IQCH: variants seen among roughly 807,000 people sequenced by gnomAD.
IQCH encodes the protein IQ motif containing H, also known as IQ domain-containing protein H.
In IQCH, 98 loss-of-function variants were observed where a neutral mutation model predicts 117.0. The ratio of observed to expected loss-of-function variants is 0.84; its 90% CI spans 0.71 to 0.99. The LOEUF (loss-of-function observed/expected upper bound fraction) is 0.99. Among genes scored for constraint, IQCH ranks in the 50% least tolerant of loss-of-function variants. IQCH has a pLI of 0.00. For missense variants in IQCH, 1,102 were observed against 1,243.8 expected (o/e 0.89, Z 1.72); for synonymous variants, 412 against 448.2 (o/e 0.92, Z 1.02).
chr15:67,433,312 GA>G lies in IQCH; in HGVS notation c.2505+11739del, dbSNP rs1324993275. 6.6e-6 allele frequency among the ~76,000 whole-genome samples: 1 copy of G among 152,172 alleles called. No homozygotes were observed. The highest frequency in any genetic ancestry group is 1.5e-5 in the Non-Finnish European group (1 of 68,034). On this transcript the variant is annotated intron_variant, in intron 16 of 20. Transcript: ENST00000335894. The surrounding 1 kb of genome is among the most constrained non-coding windows in gnomAD (Gnocchi z 5.4). Reference sequence around the variant, plus strand: ...GGCAATGATGACAAATTTTTCCAGTGAAAATTACAATTCTGTTTCTTAACAC... The same window carrying G: ...GGCAATGATGACAAATTTTTCCAGTGAAATTACAATTCTGTTTCTTAACAC...
At position 67,475,826 on chromosome 15, in the gene IQCH, G is replaced by C. The variant is rs756521823; in HGVS notation, c.2799+8G>C. The C allele has an allele frequency of 6.2e-7, 1 of 1,613,222 alleles. No individual in the cohort carries two copies. Reference sequence around the variant, plus strand: ...ATTGGCTATGATGTTGAGGTATGAAGGGTTACAGTTGGCCAGGGGCGGCCA... The same window carrying C: ...ATTGGCTATGATGTTGAGGTATGAACGGTTACAGTTGGCCAGGGGCGGCCA... On this transcript the variant is annotated splice_region_variant and intron_variant, in intron 18 of 20. Transcript: ENST00000335894. This position sits in a 1 kb window ranked among gnomAD's most constrained non-coding sequence, Gnocchi z 5.7.
rs568072816 is a variant in IQCH at position 67,425,376 on chromosome 15, G to A, written c.2505+3799G>A. On this transcript the variant is annotated intron_variant, in intron 16 of 20. Transcript: ENST00000335894. This position sits in a 1 kb window ranked among gnomAD's most constrained non-coding sequence, Gnocchi z 5.5. ...CGCCTGTAATCCCAGCACTTTGGGT[G>A]GCCGAGGTGGGTGGATCACGAGGTC... Among the ~76,000 whole-genome samples the A allele has an allele frequency of 6.6e-6, 1 of 152,304 alleles. No homozygotes were observed. The highest frequency in any genetic ancestry group is 1.5e-5 in the Non-Finnish European group (1 of 68,024).
chr15:67,384,670 T>A lies in IQCH; in HGVS notation c.1373-266T>A, dbSNP rs1242699539. 6.6e-6 allele frequency among the ~76,000 whole-genome samples: 1 copy of A among 152,144 alleles called. No homozygotes were observed. The highest frequency in any genetic ancestry group is 1.5e-5 in the Non-Finnish European group (1 of 68,020). On this transcript the variant is annotated intron_variant, in intron 10 of 20. Coordinates refer to ENST00000335894, the MANE Select transcript of IQCH (RefSeq NM_001031715.3). This position sits in a 1 kb window ranked among gnomAD's most constrained non-coding sequence, Gnocchi z 4.3. ...TGTCAGAAATTTTCTCCATGTTTTG[T>A]CATCTTGATTCTTAGCAGCCTTGTT...
rs1192279204 is a variant in IQCH, at chr15:67,271,801, G to A, written c.270-7594G>A. 4.6e-5 allele frequency among the ~76,000 whole-genome samples: 7 copies of A among 151,610 alleles called. No individual in the cohort carries two copies. In the East Asian group the frequency reaches 1.3e-3, roughly 29 times the overall value. ...TTTTGTTTCTGATTTTATTTATTTG[G>A]GTTTTATCTCTTTTTTTCTTAGTCT... is the stretch of plus-strand genomic sequence containing the variant. On this transcript the variant is annotated intron_variant, in intron 3 of 20. Coordinates refer to ENST00000335894, the MANE Select transcript of IQCH (RefSeq NM_001031715.3).
intron 4 of IQCH, among the ~76,000 whole-genome samples, chr15:67,283,687 A>G (rs1317419992): frequency 2.0e-5 from 3 of 152,108 alleles, no homozygotes; most frequent in African/African-American, 7.2e-5. Context: ...TTCATTATAT[A>G]TCCATTTTTG....
rs2140680569 is a variant in IQCH at position 67,342,826 on chromosome 15, A to G, written c.509-1237A>G. 6.6e-6 allele frequency among the ~76,000 whole-genome samples: 1 copy of G among 152,234 alleles called. No individual in the cohort carries two copies. Among genetic ancestry groups the G allele is most frequent in the African/African-American group, 2.4e-5 (1 of 41,534 alleles). On this transcript the variant is annotated intron_variant, in intron 5 of 20. Coordinates refer to ENST00000335894, the MANE Select transcript of IQCH (RefSeq NM_001031715.3). This position sits in a 1 kb window ranked among gnomAD's most constrained non-coding sequence, Gnocchi z 4.7. ...ATGTATGTTACTGGGCCCCAATTCT[A>G]GTGGTTCTCTAACTTCAGCGCACAT... is the stretch of plus-strand genomic sequence containing the variant.
chr15:67,360,882 C>G (rs777586918), intron 8 of IQCH, among the ~76,000 whole-genome samples: 25 of 152,250 alleles, frequency 1.6e-4, no homozygotes, highest in Admixed American at 5.2e-4. Context: ...GCAATTAGAT[C>G]CTTCCTCTTA....
chr15:67,334,571 C>T (rs1019246801), intron 4 of IQCH, among the ~76,000 whole-genome samples: 2 of 152,196 alleles, frequency 1.3e-5, no homozygotes, highest in Non-Finnish European at 2.9e-5. Flanking sequence ...TACATCTTAA[C>T]TTTGGCTACG....
In IQCH at chr15:67,413,570, T is replaced by A. The variant is rs949408038; in HGVS notation, c.2098-3361T>A. 13 of 152,188 alleles carry A rather than the reference T, an allele frequency of 8.5e-5. No individual in the cohort carries two copies. The highest frequency in any genetic ancestry group is 2.6e-4 in the Admixed American group (4 of 15,280). The allele number at this position is 152,188 out of a possible 1,614,324, so 9.4% of individuals were successfully genotyped here. A position where few individuals can be genotyped will look rare whatever the true frequency, so the allele number is the denominator to read the frequency against. On this transcript the variant is annotated intron_variant, in intron 14 of 20. Transcript: ENST00000335894. The surrounding 1 kb of genome is among the most constrained non-coding windows in gnomAD (Gnocchi z 5.0). ...GTTTTGTAGGGATAGGAAGACAATT[T>A]TCATTGGTGCTGAGGCCATTCTTAG...
In IQCH at chr15:67,421,427, T is replaced by C. The variant is rs1376307690; in HGVS notation, c.2355T>C (p.Ser785=). Residue 785 remains serine (S), a synonymous_variant, in exon 16 of 21, where the codon TCT becomes TCC. Transcript: ENST00000335894. ...ATGCTGAAAGCCCCTTCATCTCCTC[T>C]GGTACCACCGTGCCTCAGACCTCAG... ...QLHAESPFIS[S]GTTVPQTSVD... is the part of the protein sequence containing the mutation. The C allele has an allele frequency of 6.2e-7, 1 of 1,614,190 alleles. No homozygotes were observed. The highest frequency in any genetic ancestry group is 1.7e-5 in the Admixed American group (1 of 60,030).
At chr15:67,478,721 C>T (rs536830205) in intron 18 of IQCH, among the ~76,000 whole-genome samples, 1 of 151,830 alleles carries the variant, frequency 6.6e-6, no homozygotes, top group Non-Finnish European at 1.5e-5. Context: ...GTCAGGAGAT[C>T]GAGACCATCC....
In IQCH at chr15:67,463,708, CCT is replaced by C. The variant is rs2082859014; in HGVS notation, c.2506-1418_2506-1417del. Among the ~76,000 whole-genome samples, 1 of 152,156 alleles carries C rather than the reference CCT, an allele frequency of 6.6e-6. No homozygotes were observed. The highest frequency in any genetic ancestry group is 2.1e-4 in the South Asian group (1 of 4,822). On this transcript the variant is annotated intron_variant, in intron 16 of 20. Coordinates refer to ENST00000335894, the MANE Select transcript of IQCH (RefSeq NM_001031715.3). The surrounding 1 kb of genome is among the most constrained non-coding windows in gnomAD (Gnocchi z 4.0). The stretch of plus-strand genomic sequence containing the variant: ...TCAAAGGTCACCTTCATGATGCAGC[CCT>C]GATTTCATTAGACAAACCCAGTCTG...
At chr15:67,297,546 CAT>C (rs1322252862) in intron 4 of IQCH, among the ~76,000 whole-genome samples, 1 of 152,100 alleles carries the variant, frequency 6.6e-6, no homozygotes, top group African/African-American at 2.4e-5. Context: ...GGTTCAGCAC[CAT>C]AGTCTTTCTC....
chr15:67,383,368 A>T (rs1424884911), intron 10 of IQCH, among the ~76,000 whole-genome samples: 1 of 152,222 alleles, frequency 6.6e-6, no homozygotes, highest in Non-Finnish European at 1.5e-5. Context: ...AAACACTGGA[A>T]TGGAACACAG....
intron 7 of IQCH, 149 bp downstream of exon 7, chr15:67,357,570 A>G (rs1267196832): frequency 3.1e-6 from 2 of 654,124 alleles, no homozygotes; most frequent in South Asian, 1.8e-5. Context: ...TTGACTTTCA[A>G]AAGGGGAATT....
rs1005613872 is a variant in IQCH, at chr15:67,391,437, C to T, written c.1632+2431C>T. 6.6e-6 allele frequency among the ~76,000 whole-genome samples: 1 copy of T among 151,888 alleles called. No individual in the cohort carries two copies. Among genetic ancestry groups the T allele is most frequent in the African/African-American group, 2.4e-5 (1 of 41,308 alleles). On this transcript the variant is annotated intron_variant, in intron 12 of 20. Transcript: ENST00000335894. The surrounding 1 kb of genome is among the most constrained non-coding windows in gnomAD (Gnocchi z 4.3). ...GGCTATGAGATTTTTTAAAGCATGC[C>T]AAAAATCTGTTTGTACATCTCTCCA...
In IQCH at chr15:67,494,430, C is replaced by A; in HGVS notation, c.2970+64C>A. 9.0e-7 allele frequency: 1 copy of A among 1,110,038 alleles called. No individual in the cohort carries two copies. The highest frequency in any genetic ancestry group is 1.3e-6 in the Non-Finnish European group (1 of 746,658). 68.8% of individuals were successfully genotyped at this position (1,110,038 alleles called of 1,614,324 possible). A position where few individuals can be genotyped will look rare whatever the true frequency, so the allele number is the denominator to read the frequency against. On this transcript the variant is annotated intron_variant, in intron 20 of 20. Transcript: ENST00000335894. The surrounding 1 kb of genome is among the most constrained non-coding windows in gnomAD (Gnocchi z 5.5). ...ATACAAGGGCTGAAAATACCTCATG[C>A]TGTATTGTAAACAAGTGCTAAACCA...
chr15:67,286,781 T>G (rs1297939617), intron 4 of IQCH, among the ~76,000 whole-genome samples: 3 of 151,780 alleles, frequency 2.0e-5, no homozygotes, highest in African/African-American at 7.3e-5. Context: ...GCTAATTTTT[T>G]TTTGTATTTT....
chr15:67,373,669 C>G (rs1413297610), intron 10 of IQCH: 5 of 604,266 alleles, frequency 8.3e-6, no homozygotes, highest in African/African-American at 1.9e-5. Flanking sequence ...AGGTGATTTG[C>G]TGTAATTCGC....
Sources: allele counts gnomAD v4.1 joint callset (sites outside exome capture counted in the v4.1 genomes callset), GRCh38; gene constraint gnomAD v4.1.1; non-coding constraint Gnocchi (gnomAD v3.1); transcripts MANE v1.5; gene names NCBI Gene and HGNC (gene_info 2026-07-23, HGNC 2026-07-21).